The following CRMP1 variants were observed in gnomAD, a reference collection of about 807,000 sequenced individuals.
The protein encoded by CRMP1 is collapsin response mediator protein 1.
In CRMP1, 19 loss-of-function variants were observed where a neutral mutation model predicts 68.3. The ratio of observed to expected loss-of-function variants is 0.28; its 90% CI spans 0.19 to 0.41. CRMP1 has a LOEUF of 0.41. CRMP1 is among the 10% of genes least tolerant of loss of function. The pLI is 1.00. For missense variants in CRMP1, 791 were observed against 967.4 expected, an observed-to-expected ratio of 0.82 and a Z score of 2.42; for synonymous variants, 439 against 399.6, an observed-to-expected ratio of 1.10 and a Z score of -1.18.
At position 5,892,998 on chromosome 4, in the gene CRMP1, C is replaced by G; in HGVS notation, c.-29G>C. ...CGTCCAAGGCCGGCCACCCACCGCGCTCCCGCCTGCCCGCCCGCGGCCCTG... is the reference window on the plus strand; with the variant it reads ...CGTCCAAGGCCGGCCACCCACCGCGGTCCCGCCTGCCCGCCCGCGGCCCTG... On this transcript the variant is annotated 5_prime_UTR_variant, in exon 1 of 14. Transcript: ENST00000324989. This position sits in a 1 kb window ranked among gnomAD's most constrained non-coding sequence, Gnocchi z 8.6. 8.7e-7 allele frequency: 1 copy of G among 1,154,394 alleles called. No homozygotes were observed. 71.5% of individuals were successfully genotyped at this position (1,154,394 alleles called of 1,614,324 possible).
At position 5,842,826 on chromosome 4, in the gene CRMP1, C is replaced by T. The variant is rs1234110310; in HGVS notation, c.1032+267G>A. Among the ~76,000 whole-genome samples the T allele has an allele frequency of 2.0e-5, 3 of 152,170 alleles. No homozygotes were observed. Among genetic ancestry groups the T allele is most frequent in the African/African-American group, 7.2e-5 (3 of 41,436 alleles). ...CTATTATCCACTATGCCATGTCCTC[C>T]ATGAGAATCCGTATCCACTTGGGAC... On this transcript the variant is annotated intron_variant, in intron 7 of 13. Transcript: ENST00000324989. This position sits in a 1 kb window ranked among gnomAD's most constrained non-coding sequence, Gnocchi z 4.5.
At chr4:5,851,988 A>ACG (rs1379416367) in intron 4 of CRMP1, among the ~76,000 whole-genome samples, 123 of 149,354 alleles carry the variant, frequency 8.2e-4, no homozygotes, top group Non-Finnish European at 1.6e-3. Flanking sequence ...GAGGAAGAGG[A>ACG]AGAGGAGGAG....
chr4:5,868,724 C>T (rs181174367), intron 1 of CRMP1, among the ~76,000 whole-genome samples: 7 of 152,118 alleles, frequency 4.6e-5, no homozygotes, highest in Non-Finnish European at 8.8e-5. Context: ...TACAGTGATA[C>T]GTATTTTGCT....
chr4:5,821,352 G>GCACT lies in CRMP1; in HGVS notation c.*404_*407dup, dbSNP rs1341255245. On this transcript the variant is annotated 3_prime_UTR_variant, in exon 14 of 14. Transcript: ENST00000324989. This position sits in a 1 kb window ranked among gnomAD's most constrained non-coding sequence, Gnocchi z 4.4. ...AGTCCTTGGCGATGTCCCCTCAGAC[G>GCACT]CACTCACAGACTTGCATACGTAATT... 5.6e-6 allele frequency: 1 copy of GCACT among 178,994 alleles called. No homozygotes were observed. The highest frequency in any genetic ancestry group is 2.3e-5 in the African/African-American group (1 of 43,252). 11.1% of individuals were successfully genotyped at this position (178,994 alleles called of 1,614,324 possible).
Position 5,843,176 on chromosome 4 carries a change from C to A in CRMP1, c.964-15G>T, listed in dbSNP as rs1711918807. On this transcript the variant is annotated splice_polypyrimidine_tract_variant and intron_variant, in intron 6 of 13. Transcript: ENST00000324989. This position sits in a 1 kb window ranked among gnomAD's most constrained non-coding sequence, Gnocchi z 4.1. ...CGCTTTTGTTCCTACAAGACAAGAA[C>A]AAGTGAGTTAACGATTAGAGGGTGT... 1 of 1,613,966 alleles carries A rather than the reference C, an allele frequency of 6.2e-7. No individual in the cohort carries two copies. The highest frequency in any genetic ancestry group is 1.3e-5 in the African/African-American group (1 of 74,920).
rs1287180426 is a variant in CRMP1 at position 5,854,070 on chromosome 4, A to ACCCT, written c.820+2069_820+2072dup. ...TACAAACTCCACTGCCACTCCAGAG[A>ACCCT]CCCTCCCATCTCAGTGAGGGGCGTC... On this transcript the variant is annotated intron_variant, in intron 4 of 13. Coordinates refer to ENST00000324989, the MANE Select transcript of CRMP1 (RefSeq NM_001014809.3). This position sits in a 1 kb window ranked among gnomAD's most constrained non-coding sequence, Gnocchi z 4.0. Among the ~76,000 whole-genome samples, 6 of 152,050 alleles carry ACCCT rather than the reference A, an allele frequency of 3.9e-5. No homozygotes were observed. The highest frequency in any genetic ancestry group is 1.4e-4 in the African/African-American group (6 of 41,412).
intron 11 of CRMP1, among the ~76,000 whole-genome samples, chr4:5,830,264 CA>C (rs1450401891): frequency 6.6e-6 from 1 of 152,162 alleles, no homozygotes; most frequent in East Asian, 1.9e-4. Flanking sequence ...ATGTGTGTTG[CA>C]AATATGTCCT....
chr4:5,831,053 A>G (rs934569882), intron 11 of CRMP1, among the ~76,000 whole-genome samples: 2 of 152,074 alleles, frequency 1.3e-5, no homozygotes, highest in East Asian at 3.9e-4. Flanking sequence ...GGCTCAAGCA[A>G]TCCTCCTGCC....
intron 6 of CRMP1, among the ~76,000 whole-genome samples, chr4:5,846,072 G>A (rs1043378407): frequency 1.1e-4 from 16 of 152,294 alleles, no homozygotes; most frequent in African/African-American, 3.8e-4. Context: ...GAGGCGGGCA[G>A]ATCACTTGAG....
intron 5 of CRMP1, among the ~76,000 whole-genome samples, chr4:5,849,767 G>A (rs1267901391): frequency 6.6e-6 from 1 of 152,178 alleles, no homozygotes; most frequent in Non-Finnish European, 1.5e-5. Context: ...TATGCCTTTT[G>A]CTGTCTTTTT....
At position 5,888,678 on chromosome 4, in the gene CRMP1, C is replaced by T. The variant is rs1715788747; in HGVS notation, c.381+3911G>A. On this transcript the variant is annotated intron_variant, in intron 1 of 13. Coordinates refer to ENST00000324989, the MANE Select transcript of CRMP1 (RefSeq NM_001014809.3). This position sits in a 1 kb window ranked among gnomAD's most constrained non-coding sequence, Gnocchi z 6.4. ...GCCGACCCCCGCCCTGCGCACACGC[C>T]CTTGGCGGGCCCTGGCCTCGCTCTC... is the stretch of plus-strand genomic sequence containing the variant. 1.1e-6 allele frequency: 1 copy of T among 941,362 alleles called. No individual in the cohort carries two copies. The allele number at this position is 941,362 out of a possible 1,614,324, so 58.3% of individuals were successfully genotyped here. A position where few individuals can be genotyped will look rare whatever the true frequency, so the allele number is the denominator to read the frequency against.
Position 5,851,808 on chromosome 4 carries a change from G to T in CRMP1, c.821-339C>A, listed in dbSNP as rs1451005929. 2.0e-5 allele frequency among the ~76,000 whole-genome samples: 3 copies of T among 149,236 alleles called. No homozygotes were observed. In the East Asian group the frequency reaches 5.9e-4, roughly 29 times the overall value. On this transcript the variant is annotated intron_variant, in intron 4 of 13. Coordinates refer to ENST00000324989, the MANE Select transcript of CRMP1 (RefSeq NM_001014809.3). ...GGACAAGGAGGAAGAGGAAGAGGAG[G>T]AAAAAGAAGAGGAGGAGAAAGAAGG...
rs182862521 is a variant in CRMP1, at chr4:5,877,646, G to A, written c.382-10890C>T. ...GCCTGAATCTAATTAACACACATTC[G>A]TTCCCCCTCTCACGGGTAGGGGACA... On this transcript the variant is annotated intron_variant, in intron 1 of 13. Transcript: ENST00000324989. This position sits in a 1 kb window ranked among gnomAD's most constrained non-coding sequence, Gnocchi z 4.3. Among the ~76,000 whole-genome samples, 9 of 152,264 alleles carry A rather than the reference G, an allele frequency of 5.9e-5. No individual in the cohort carries two copies. The South Asian group carries it at 1.0e-3, about 18-fold the overall frequency.
intron 1 of CRMP1, among the ~76,000 whole-genome samples, chr4:5,871,400 C>T (rs141803162): frequency 0.082 from 12,458 of 152,172 alleles, 533 homozygotes; most frequent in South Asian, 0.12. Context: ...GTGGCTCACA[C>T]CTGTAATCCC....
rs895678055 is a variant in CRMP1, at chr4:5,865,118, G to A, written c.470+1550C>T. On this transcript the variant is annotated intron_variant, in intron 2 of 13. Transcript: ENST00000324989. The surrounding 1 kb of genome is among the most constrained non-coding windows in gnomAD (Gnocchi z 4.1). ...TCTCCAAAGCCCACACGGGCCCCAG[G>A]ATGATCCTGTTAACAGTATCAATCC... 1.3e-5 allele frequency among the ~76,000 whole-genome samples: 2 copies of A among 151,942 alleles called. No homozygotes were observed. The highest frequency in any genetic ancestry group is 4.8e-5 in the African/African-American group (2 of 41,338).
intron 13 of CRMP1, among the ~76,000 whole-genome samples, chr4:5,822,064 C>T (rs913749951): frequency 1.3e-5 from 2 of 152,176 alleles, no homozygotes; most frequent in Admixed American, 1.3e-4. Flanking sequence ...CCACCTTCAG[C>T]CCTGACCACC....
At chr4:5,874,393 G>A (rs993551743) in intron 1 of CRMP1, among the ~76,000 whole-genome samples, 10 of 152,136 alleles carry the variant, frequency 6.6e-5, no homozygotes, top group South Asian at 2.1e-4. Flanking sequence ...CTTCCCCTAC[G>A]GAGACTTTGG....
chr4:5,825,886 T>G lies in CRMP1; in HGVS notation c.1804-227A>C. On this transcript the variant is annotated intron_variant, in intron 12 of 13. Coordinates refer to ENST00000324989, the MANE Select transcript of CRMP1 (RefSeq NM_001014809.3). The surrounding 1 kb of genome is among the most constrained non-coding windows in gnomAD (Gnocchi z 4.4). ...ATACACACACATCTACATACCCACATGCATACACATACAGACGCACACACC... is the reference window on the plus strand; with the variant it reads ...ATACACACACATCTACATACCCACAGGCATACACATACAGACGCACACACC... 1 of 516,218 alleles carries G rather than the reference T, an allele frequency of 1.9e-6. No individual in the cohort carries two copies. The allele number at this position is 516,218 out of a possible 1,614,324, so 32.0% of individuals were successfully genotyped here.
In CRMP1 at chr4:5,841,263, T is replaced by TC. The variant is rs1711705508; in HGVS notation, c.1153+44dup. 6.2e-7 allele frequency: 1 copy of TC among 1,613,328 alleles called. No individual in the cohort carries two copies. Among genetic ancestry groups the TC allele is most frequent in the East Asian group, 2.2e-5 (1 of 44,836 alleles). ...AACTTGAACCTGCAGGACACCCCCT[T>TC]CCAGGCCCCAGCTGCCCCCAGAAGG... On this transcript the variant is annotated intron_variant, in intron 8 of 13. Transcript: ENST00000324989. The surrounding 1 kb of genome is among the most constrained non-coding windows in gnomAD (Gnocchi z 6.9).
Sources: gnomAD v4.1 joint callset for allele counts (sites outside exome capture counted in the v4.1 genomes callset) on GRCh38, gnomAD v4.1.1 for gene constraint, Gnocchi (gnomAD v3.1) non-coding constraint, MANE v1.5 for transcripts, NCBI Gene and HGNC (gene_info 2026-07-23, HGNC 2026-07-21) for gene names.